Variants in NCAM1 observed in about 807,000 individuals in gnomAD.
The protein encoded by NCAM1 is neural cell adhesion molecule 1, also known as antigen recognized by monoclonal antibody 5.1H11.
In NCAM1, 14 loss-of-function variants were observed where a neutral mutation model predicts 109.8. The observed-to-expected ratio is 0.13, with a 90% CI of 0.08 to 0.20. The LOEUF is 0.20. NCAM1 is among the 10% of genes least tolerant of loss of function. NCAM1 has a pLI of 1.00. For synonymous variants in NCAM1, 418 were observed against 442.9 expected (o/e 0.94, Z 0.70); for missense variants, 774 against 1,109.9 (o/e 0.70, Z 4.30).
At position 113,106,704 on chromosome 11, in the gene NCAM1, G is replaced by A. The variant is rs574944283; in HGVS notation, c.53-95675G>A. ...GAAGAATGCTCTCTAGGCCCACTAA[G>A]GGGGTTATTATAGGAGCAGCAGCAG... On this transcript the variant is annotated intron_variant, in intron 1 of 19. Transcript: ENST00000316851. Among the ~76,000 whole-genome samples the A allele has an allele frequency of 4.6e-5, 7 of 152,308 alleles. No homozygotes were observed. The South Asian group carries it at 1.5e-3, about 32-fold the overall frequency.
At chr11:113,184,131 GA>G (rs367881894) in intron 1 of NCAM1, among the ~76,000 whole-genome samples, 1 of 152,038 alleles carries the variant, frequency 6.6e-6, no homozygotes, top group Non-Finnish European at 1.5e-5. Context: ...GAGAGGAGGG[GA>G]AAAAATCAAT....
intron 1 of NCAM1, among the ~76,000 whole-genome samples, chr11:113,163,308 C>T (rs1168712977): frequency 6.6e-6 from 1 of 152,148 alleles, no homozygotes; most frequent in African/African-American, 2.4e-5. Flanking sequence ...AAAAAACCAC[C>T]CATGCTGCTG....
At chr11:112,967,730 C>A (rs1193082917) in intron 1 of NCAM1, among the ~76,000 whole-genome samples, 1 of 152,126 alleles carries the variant, frequency 6.6e-6, no homozygotes, top group African/African-American at 2.4e-5. Flanking sequence ...ATACACAGGA[C>A]TCCTTCAGAG....
intron 1 of NCAM1, among the ~76,000 whole-genome samples, chr11:113,158,051 A>G (rs1409890895): frequency 2.0e-5 from 3 of 152,178 alleles, no homozygotes; most frequent in Non-Finnish European, 4.4e-5. Context: ...CATTTAGAAA[A>G]TATTGGTTCA....
intron 1 of NCAM1, among the ~76,000 whole-genome samples, chr11:113,167,121 C>T (rs1384195837): frequency 6.6e-6 from 1 of 152,206 alleles, no homozygotes; most frequent in East Asian, 1.9e-4. Flanking sequence ...CAGTCTGGGT[C>T]CTTCCATAAT....
chr11:113,218,300 C>A lies in NCAM1; in HGVS notation c.1060-2996C>A, dbSNP rs115618373. ...GACTGCCACAATGGCTTCCTTCTGG[C>A]TCGGTGGCTCAGAAGGTAGGCCACT... On this transcript the variant is annotated intron_variant, in intron 8 of 19. Coordinates refer to ENST00000316851, the MANE Select transcript of NCAM1 (RefSeq NM_181351.5). Among the ~76,000 whole-genome samples the A allele has an allele frequency of 3.9e-3, 594 of 152,312 alleles. 5 individuals carry two copies. Among genetic ancestry groups the A allele is most frequent in the African/African-American group, 0.014 (568 of 41,570 alleles).
intron 1 of NCAM1, among the ~76,000 whole-genome samples, chr11:113,074,960 T>C (rs1399919700): frequency 1.3e-5 from 2 of 152,174 alleles, no homozygotes; most frequent in Non-Finnish European, 2.9e-5. Context: ...TTAGTTCAAA[T>C]TGGAATGAAA....
At chr11:113,185,087 G>T (rs71466735) in intron 1 of NCAM1, among the ~76,000 whole-genome samples, 60,642 of 105,496 alleles carry the variant, frequency 0.57, 15,299 homozygotes, top group Middle Eastern at 0.64. Flanking sequence ...TATAGAGAGA[G>T]AGAGAGAGAG....
At chr11:113,251,870 C>T (rs1379321023) in intron 15 of NCAM1, among the ~76,000 whole-genome samples, 1 of 152,212 alleles carries the variant, frequency 6.6e-6, no homozygotes, top group African/African-American at 2.4e-5. Context: ...CAGTCAGCCT[C>T]CTGAATGGCA....
At chr11:113,248,987 G>C (rs1236640677) in intron 15 of NCAM1, among the ~76,000 whole-genome samples, 1 of 152,200 alleles carries the variant, frequency 6.6e-6, no homozygotes, top group African/African-American at 2.4e-5. Context: ...ACCAGCTACT[G>C]AGGACTCTGT....
Position 113,162,329 on chromosome 11 carries a change from G to GA in NCAM1, c.53-40041dup, listed in dbSNP as rs199885219. On this transcript the variant is annotated intron_variant, in intron 1 of 19. Transcript: ENST00000316851. ...TTGTCATTTATTTGTTTAAAAAAAT[G>GA]AAAAAAAAATCCCATCTCAGGCTCC... 2.0e-3 allele frequency among the ~76,000 whole-genome samples: 307 copies of GA among 151,218 alleles called. 1 individual carries two copies. Among genetic ancestry groups the GA allele is most frequent in the African/African-American group, 6.5e-3 (270 of 41,228 alleles).
Position 113,233,324 on chromosome 11 carries a change from T to C in NCAM1, c.1693+7T>C. On this transcript the variant is annotated splice_region_variant and intron_variant, in intron 13 of 19. Coordinates refer to ENST00000316851, the MANE Select transcript of NCAM1 (RefSeq NM_181351.5). The surrounding 1 kb of genome is among the most constrained non-coding windows in gnomAD (Gnocchi z 4.5). ...TGGTATGATGCCAAGGAAGGTGAGT[T>C]GGGCGAGTTGGTGTTTCCATTGGGA... 6.2e-7 allele frequency: 1 copy of C among 1,610,336 alleles called. No homozygotes were observed. The highest frequency in any genetic ancestry group is 8.5e-7 in the Non-Finnish European group (1 of 1,178,196).
intron 1 of NCAM1, among the ~76,000 whole-genome samples, chr11:113,120,761 A>G (rs1940921031): frequency 6.6e-6 from 1 of 152,240 alleles, no homozygotes. Context: ...CACAGGAATC[A>G]TACAAAATAC....
In NCAM1 at chr11:113,275,683, G is replaced by A. The variant is rs562672251; in HGVS notation, c.*296G>A. On this transcript the variant is annotated 3_prime_UTR_variant, in exon 20 of 20. Coordinates refer to ENST00000316851, the MANE Select transcript of NCAM1 (RefSeq NM_181351.5). The stretch of plus-strand genomic sequence containing the variant: ...CTAGGACACTCCGTTCCCTGAAACC[G>A]TTAAAAAATCAAACAAAAGGACCCC... 4.8e-5 allele frequency: 11 copies of A among 229,450 alleles called. No homozygotes were observed. The highest frequency in any genetic ancestry group is 2.2e-4 in the South Asian group (2 of 9,300). 14.2% of individuals were successfully genotyped at this position (229,450 alleles called of 1,614,324 possible). A position where few individuals can be genotyped will look rare whatever the true frequency, so the allele number is the denominator to read the frequency against.
rs1176531246 is a variant in NCAM1, at chr11:113,216,703, A to G, written c.1059+2192A>G. ...ATTGGAACATGAGTGAATCGGTATTAAAACAAGTCCTCCAAATCAGCTGGT... is the reference window on the plus strand; with the variant it reads ...ATTGGAACATGAGTGAATCGGTATTGAAACAAGTCCTCCAAATCAGCTGGT... On this transcript the variant is annotated intron_variant, in intron 8 of 19. Transcript: ENST00000316851. Among the ~76,000 whole-genome samples the G allele has an allele frequency of 3.3e-5, 5 of 152,338 alleles. No individual in the cohort carries two copies. In the East Asian group the frequency reaches 9.6e-4, roughly 29 times the overall value.
chr11:113,008,792 T>C (rs545196132), intron 1 of NCAM1, among the ~76,000 whole-genome samples: 5 of 152,316 alleles, frequency 3.3e-5, no homozygotes, highest in African/African-American at 1.2e-4. Flanking sequence ...CACACTGAAA[T>C]GTTTTCTGAT....
At chr11:113,178,473 C>T (rs373437734) in intron 1 of NCAM1, among the ~76,000 whole-genome samples, 10 of 152,300 alleles carry the variant, frequency 6.6e-5, no homozygotes, top group African/African-American at 2.2e-4. Flanking sequence ...ACATGCCAAC[C>T]GTCTGGAAGT....
At chr11:112,990,260 G>A (rs908805826) in intron 1 of NCAM1, among the ~76,000 whole-genome samples, 1 of 152,158 alleles carries the variant, frequency 6.6e-6, no homozygotes, top group Non-Finnish European at 1.5e-5. Context: ...TTCCCACTGG[G>A]TCACTGGTTG....
rs1938696377 is a variant in NCAM1 at position 113,079,640 on chromosome 11, AT to A, written c.52+117979del. On this transcript the variant is annotated intron_variant, in intron 1 of 19. Coordinates refer to ENST00000316851, the MANE Select transcript of NCAM1 (RefSeq NM_181351.5). ...TTGTGATATACATTTTTTGGAATGT[AT>A]TTATATTCTTCATAATAAATCCATT... Among the ~76,000 whole-genome samples the A allele has an allele frequency of 2.0e-5, 3 of 152,218 alleles. No individual in the cohort carries two copies. In the South Asian group the frequency reaches 6.2e-4, roughly 32 times the overall value.
Sources: allele counts gnomAD v4.1 joint callset (sites outside exome capture counted in the v4.1 genomes callset), GRCh38; gene constraint gnomAD v4.1.1; non-coding constraint Gnocchi (gnomAD v3.1); transcripts MANE v1.5; gene names NCBI Gene and HGNC (gene_info 2026-07-23, HGNC 2026-07-21).